Variants in SOD2 observed in about 807,000 individuals in gnomAD.
SOD2 encodes the protein superoxide dismutase [Mn], mitochondrial.
SOD2 carries 11 observed loss-of-function variants against 27.0 expected under a neutral mutation model. That is an observed-to-expected ratio of 0.41 (90% CI 0.26 to 0.67). The LOEUF is 0.67. Ranked by LOEUF, SOD2 falls within the 30% of genes least tolerant of loss-of-function variation. The pLI is 0.34. For missense variants in SOD2, 250 were observed against 274.5 expected, an observed-to-expected ratio of 0.91 and a Z score of 0.63; for synonymous variants, 105 against 103.0, an observed-to-expected ratio of 1.02 and a Z score of -0.12.
chr6:159,713,878 AT>A (rs1323819794), intron 1 of SOD2: 2 of 1,000,732 alleles, frequency 2.0e-6, no homozygotes, highest in African/African-American at 3.1e-5. Flanking sequence ...CTGATGTGCC[AT>A]TTTGTATTTT....
chr6:159,726,722 G>C, intron 1 of SOD2: 2 of 1,257,618 alleles, frequency 1.6e-6, no homozygotes, highest in South Asian at 2.5e-5. Flanking sequence ...CGCAACCTCC[G>C]ACGCCAGAGA....
At chr6:159,688,617 C>T (rs539702570) in intron 2 of SOD2, among the ~76,000 whole-genome samples, 45 of 152,254 alleles carry the variant, frequency 3.0e-4, no homozygotes, top group Middle Eastern at 3.4e-3. Flanking sequence ...TCAAGACAGA[C>T]GACGATTCAT....
intron 1 of SOD2, among the ~76,000 whole-genome samples, chr6:159,721,564 C>A (rs1778040839): frequency 6.6e-6 from 1 of 150,870 alleles, no homozygotes; most frequent in Non-Finnish European, 1.5e-5. Flanking sequence ...GACGGGGTTT[C>A]TCCACGTTGG....
At chr6:159,731,132 C>A (rs1778541860), upstream of SOD2, among the ~76,000 whole-genome samples, 1 of 151,546 alleles carries the variant, frequency 6.6e-6, no homozygotes, top group Non-Finnish European at 1.5e-5. Context: ...CAGAGAGAGA[C>A]TACGTCTCAA....
intron 1 of SOD2, chr6:159,755,930 A>G (rs1371706200): frequency 3.9e-6 from 1 of 258,262 alleles, no homozygotes; most frequent in Non-Finnish European, 7.2e-6. Flanking sequence ...TTAAAATACA[A>G]CACAATGATG....
chr6:159,755,765 C>CTTT lies in SOD2; in HGVS notation c.-336+5269_-336+5271dup. 1,114 of 173,074 alleles carry CTTT rather than the reference C, an allele frequency of 6.4e-3. 2 individuals are homozygous for CTTT. The highest frequency in any genetic ancestry group is 7.8e-3 in the Middle Eastern group (3 of 386). The allele number at this position is 173,074 out of a possible 1,614,324, so 10.7% of individuals were successfully genotyped here. On this transcript the variant is annotated intron_variant, in intron 1 of 7. Coordinates refer to the SOD2 transcript ENST00000546087. ...TTTTTCTTTGTTTTTTTTTTCTTTT[C>CTTT]TTTTTTTTTTTTTTTTTTTTTTTTT... is the stretch of plus-strand genomic sequence containing the variant.
At chr6:159,749,484 A>G (rs1363259098), upstream of SOD2, 98 of 972,528 alleles carry the variant, frequency 1.0e-4, no homozygotes, top group Non-Finnish European at 1.1e-4. Flanking sequence ...ACTCTTTAAC[A>G]TTTTAATTTG....
At chr6:159,717,327 AG>A (rs533676860) in intron 1 of SOD2, among the ~76,000 whole-genome samples, 95 of 152,254 alleles carry the variant, frequency 6.2e-4, no homozygotes, top group Middle Eastern at 6.8e-3. Flanking sequence ...GTTGCCCAGG[AG>A]GGTCTTGAAC....
intron 1 of SOD2, chr6:159,712,802 G>A: frequency 1.8e-6 from 1 of 543,946 alleles, no homozygotes; most frequent in Non-Finnish European, 3.6e-6. Flanking sequence ...GGTTGGGTAA[G>A]CCCATCTCTC....
intron 1 of SOD2, among the ~76,000 whole-genome samples, chr6:159,757,235 A>G (rs189542304): frequency 1.1e-3 from 172 of 152,346 alleles, no homozygotes; most frequent in African/African-American, 4.0e-3. Context: ...TGTTTTAGAC[A>G]TAACTTGTAA....
At chr6:159,735,582 C>G (rs1355755667) in intron 1 of SOD2, among the ~76,000 whole-genome samples, 1 of 152,074 alleles carries the variant, frequency 6.6e-6, no homozygotes, top group Non-Finnish European at 1.5e-5. Context: ...AACCCCGTCT[C>G]TACTAAAAAT....
chr6:159,754,896 TGTA>T lies in SOD2; in HGVS notation c.-336+6138_-336+6140del, dbSNP rs1027703748. On this transcript the variant is annotated intron_variant, in intron 1 of 7. Coordinates refer to the SOD2 transcript ENST00000546087. ...TAAGATTCCAAGCAAAATTTTTAAA[TGTA>T]GTGTGATTTTAGAATTGTATTTGTT... 37 of 994,160 alleles carry T rather than the reference TGTA, an allele frequency of 3.7e-5. No individual in the cohort carries two copies. The African/African-American group carries it at 5.9e-4, about 16-fold the overall frequency. 61.6% of individuals were successfully genotyped at this position (994,160 alleles called of 1,614,324 possible). A position where few individuals can be genotyped will look rare whatever the true frequency, so the allele number is the denominator to read the frequency against.
chr6:159,714,411 C>T (rs1777888955), intron 1 of SOD2, among the ~76,000 whole-genome samples: 1 of 152,278 alleles, frequency 6.6e-6, no homozygotes, highest in Non-Finnish European at 1.5e-5. Flanking sequence ...GGAACAGACC[C>T]GCACATTCCA....
chr6:159,714,642 C>T (rs1044310064), intron 1 of SOD2, among the ~76,000 whole-genome samples: 1 of 152,206 alleles, frequency 6.6e-6, no homozygotes, highest in African/African-American at 2.4e-5. Flanking sequence ...CAAATGACTG[C>T]AATTCTGTGT....
chr6:159,712,534 T>A (rs879225646), intron 1 of SOD2, among the ~76,000 whole-genome samples: 3 of 137,452 alleles, frequency 2.2e-5, no homozygotes, highest in South Asian at 2.4e-4. Flanking sequence ...CACACTGCTC[T>A]GATCACCATA....
chr6:159,714,889 G>C (rs983755845), intron 1 of SOD2, among the ~76,000 whole-genome samples: 3 of 152,116 alleles, frequency 2.0e-5, no homozygotes, highest in Admixed American at 1.3e-4. Flanking sequence ...GTTTTTGTCT[G>C]TGCTTGTTGA....
chr6:159,719,065 C>T (rs911324354), intron 1 of SOD2, among the ~76,000 whole-genome samples: 3 of 151,822 alleles, frequency 2.0e-5, no homozygotes, highest in Admixed American at 6.6e-5. Flanking sequence ...TGAATGTTTG[C>T]GTCCACCCAA....
At chr6:159,757,041 T>C (rs891667509) in intron 1 of SOD2, among the ~76,000 whole-genome samples, 2 of 152,148 alleles carry the variant, frequency 1.3e-5, no homozygotes, top group Admixed American at 1.3e-4. Context: ...TCTGGTAATA[T>C]TATATGAGTA....
At chr6:159,733,089 C>T (rs1778688345) in intron 1 of SOD2, among the ~76,000 whole-genome samples, 1 of 151,902 alleles carries the variant, frequency 6.6e-6, no homozygotes, top group Non-Finnish European at 1.5e-5. Context: ...ATGACTGCCA[C>T]CAGGTTAAGG....
Sources: allele counts gnomAD v4.1 joint callset (sites outside exome capture counted in the v4.1 genomes callset), GRCh38; gene constraint gnomAD v4.1.1; transcripts MANE v1.5; gene names NCBI Gene and HGNC (gene_info 2026-07-23, HGNC 2026-07-21).